MTM1: variants seen among roughly 807,000 people sequenced by gnomAD.
MTM1 encodes the protein myotubularin 1, also known as myotubularin.
In MTM1, 9 loss-of-function variants were observed where a neutral mutation model predicts 52.1. The observed-to-expected ratio is 0.17, with a 90% confidence interval of 0.10 to 0.30. MTM1 has a LOEUF of 0.30. Ranked by LOEUF, MTM1 falls within the 10% of genes least tolerant of loss-of-function variation. The pLI is 1.00. For synonymous variants in MTM1, 136 were observed against 163.8 expected, an observed-to-expected ratio of 0.83 and a Z score of 1.29; for missense variants, 277 against 470.7, an observed-to-expected ratio of 0.59 and a Z score of 3.81.
chrX:150,613,348 G>A lies in MTM1; in HGVS notation c.232-1241G>A, dbSNP rs5925393. Among the ~76,000 whole-genome samples, 32 of 111,352 alleles carry A rather than the reference G, an allele frequency of 2.9e-4. 1 individual carries two copies. In the East Asian group the frequency reaches 8.4e-3, roughly 29 times the overall value. ...GATATTTCATGTTATTGTAGTCACC[G>A]TGTGTGTTGTATGCTGCTGTTTCCC... On this transcript the variant is annotated intron_variant, in intron 4 of 14. Transcript: ENST00000370396.
At chrX:150,596,338 T>C (rs1557412599) in intron 2 of MTM1, among the ~76,000 whole-genome samples, 160 bp from the exon 3 acceptor site, 1 of 112,448 alleles carries the variant, frequency 8.9e-6, no homozygotes, top group African/African-American at 3.2e-5. Context: ...TGCCAGATTG[T>C]AACTTTTTTG....
At chrX:150,615,569 G>C (rs2039370213) in intron 5 of MTM1, among the ~76,000 whole-genome samples, 1 of 110,830 alleles carries the variant, frequency 9.0e-6, no homozygotes, top group Non-Finnish European at 1.9e-5. Flanking sequence ...TCATTGTATT[G>C]ATAGAGAAGT....
upstream of MTM1, among the ~76,000 whole-genome samples, chrX:150,567,719 A>G (rs1557411279): frequency 9.0e-6 from 1 of 110,696 alleles, no homozygotes; most frequent in African/African-American, 3.3e-5. Context: ...ACGCCTGGAT[A>G]ATTTTTGTAT....
intron 14 of MTM1, among the ~76,000 whole-genome samples, chrX:150,666,748 C>T (rs1172512811): frequency 2.7e-5 from 3 of 111,803 alleles, no homozygotes; most frequent in African/African-American, 3.3e-5. Flanking sequence ...CAGAACTCCT[C>T]ATGTTTCCCC....
Position 150,671,738 on chromosome X carries a change from T to C in MTM1, c.*143T>C, listed in dbSNP as rs73638263. The C allele has an allele frequency of 1.6e-6, 1 of 633,532 alleles. No individual in the cohort carries two copies. Among genetic ancestry groups the C allele is most frequent in the African/African-American group, 2.2e-5 (1 of 44,623 alleles). The allele number at this position is 633,532 out of a possible 1,213,427, so 52.2% of individuals were successfully genotyped here. ...AATCTTAAACTCTTGAATATGTGCC[T>C]TCTAGAATACATATTACAAGAAAAC... is the stretch of plus-strand genomic sequence containing the variant. On this transcript the variant is annotated 3_prime_UTR_variant, in exon 15 of 15. Transcript: ENST00000370396.
intron 4 of MTM1, 51 bp downstream of exon 4, chrX:150,598,737 C>T (rs376352902): frequency 9.5e-6 from 8 of 845,899 alleles, no homozygotes; most frequent in Non-Finnish European, 1.2e-5. Flanking sequence ...AAAGATAATG[C>T]TAAATTGTTT....
At chrX:150,602,199 C>T (rs781988467) in intron 4 of MTM1, among the ~76,000 whole-genome samples, 1 of 112,379 alleles carries the variant, frequency 8.9e-6, no homozygotes, top group African/African-American at 3.2e-5. Context: ...GTGCTTGTCA[C>T]TGTGTCCTAT....
intron 6 of MTM1, among the ~76,000 whole-genome samples, chrX:150,625,102 A>T (rs2039545134): frequency 9.0e-6 from 1 of 111,501 alleles, no homozygotes; most frequent in Non-Finnish European, 1.9e-5. Flanking sequence ...GGTAACAAGC[A>T]TGTGCCATTG....
At chrX:150,644,001 G>A (rs1384507756) in intron 8 of MTM1, among the ~76,000 whole-genome samples, 1 of 110,890 alleles carries the variant, frequency 9.0e-6, no homozygotes, top group East Asian at 2.8e-4. Context: ...CAACTCAGAG[G>A]AGTAGCATTT....
intron 6 of MTM1, among the ~76,000 whole-genome samples, chrX:150,624,662 A>T (rs2039536292): frequency 8.9e-6 from 1 of 111,997 alleles, no homozygotes; most frequent in Non-Finnish European, 1.9e-5. Context: ...GCATTTTAAA[A>T]TAGAATAGAA....
Position 150,672,618 on chromosome X carries a change from C to G in MTM1, c.*1023C>G, listed in dbSNP as rs2040413143. The G allele has an allele frequency of 8.9e-6, 1 of 112,196 alleles. No individual in the cohort carries two copies. The highest frequency in any genetic ancestry group is 3.2e-5 in the African/African-American group (1 of 30,879). 9.2% of individuals were successfully genotyped at this position (112,196 alleles called of 1,213,427 possible). A position where few individuals can be genotyped will look rare whatever the true frequency, so the allele number is the denominator to read the frequency against. ...TCCCCACCCCACGCGTGCATAAAAA[C>G]TGGTTCTACAAATTTTTACTTGAAG... On this transcript the variant is annotated 3_prime_UTR_variant, in exon 15 of 15. Coordinates refer to ENST00000370396, the MANE Select transcript of MTM1 (RefSeq NM_000252.3).
At chrX:150,632,541 C>G (rs1557413603) in intron 6 of MTM1, among the ~76,000 whole-genome samples, 1 of 111,546 alleles carries the variant, frequency 9.0e-6, no homozygotes, top group East Asian at 2.8e-4. Context: ...AAAAAGATTG[C>G]TGGGCTGCAG....
In MTM1 at chrX:150,596,536, T is replaced by C. The variant is rs782465195; in HGVS notation, c.102T>C (p.Ala34=). The stretch of plus-strand genomic sequence containing the variant: ...GAGTCAATCGAGATCTCACTGAGGC[T>C]GTTCCTCGACTTCCAGGAGAAACAC... The part of the protein sequence containing the change: ...RDGVNRDLTE[A]VPRLPGETLI... Residue 34 remains alanine, a synonymous_variant, in exon 3 of 15, where the codon GCT becomes GCC. Transcript: ENST00000370396. 8.3e-7 allele frequency: 1 copy of C among 1,210,310 alleles called. No individual in the cohort carries two copies. The highest frequency in any genetic ancestry group is 3.0e-5 in the East Asian group (1 of 33,847).
chrX:150,619,650 C>A (rs2148462438), intron 6 of MTM1, among the ~76,000 whole-genome samples: 1 of 111,759 alleles, frequency 8.9e-6, no homozygotes, highest in South Asian at 3.8e-4. Context: ...CTTACTCTTA[C>A]TGCATGACTG....
At chrX:150,665,353 C>T (rs184403411) in intron 14 of MTM1, among the ~76,000 whole-genome samples, 13 of 111,737 alleles carry the variant, frequency 1.2e-4, no homozygotes, top group South Asian at 3.8e-4. Flanking sequence ...CTGGTAGGGG[C>T]GGCCAGAAAC....
chrX:150,597,670 T>A (rs190048059), intron 3 of MTM1, among the ~76,000 whole-genome samples: 1 of 112,030 alleles, frequency 8.9e-6, no homozygotes, highest in Admixed American at 9.5e-5. Context: ...CTATTATAAT[T>A]AATTATTCTG....
chrX:150,619,326 A>G (rs1184788165), intron 6 of MTM1, among the ~76,000 whole-genome samples, 187 bp downstream of exon 6: 7 of 111,930 alleles, frequency 6.3e-5, no homozygotes, highest in African/African-American at 2.0e-4. Flanking sequence ...CTGTCAGTCA[A>G]CTTTGGAGCT....
chrX:150,670,602 C>T (rs2040380611), intron 14 of MTM1, among the ~76,000 whole-genome samples: 1 of 111,882 alleles, frequency 8.9e-6, no homozygotes, highest in Non-Finnish European at 1.9e-5. Flanking sequence ...GAATAATAAT[C>T]GTATGCTCCC....
chrX:150,641,814 T>C (rs1170168245), intron 8 of MTM1, among the ~76,000 whole-genome samples: 4 of 111,638 alleles, frequency 3.6e-5, no homozygotes, highest in African/African-American at 1.3e-4. Flanking sequence ...TGTCTTGTTA[T>C]AAAATGTGTC....
Sources: allele counts gnomAD v4.1 joint callset (sites outside exome capture counted in the v4.1 genomes callset), GRCh38; gene constraint gnomAD v4.1.1; transcripts MANE v1.5; gene names NCBI Gene and HGNC (gene_info 2026-07-23, HGNC 2026-07-21).